The following DENND6B variants were observed in gnomAD, a reference collection of about 807,000 sequenced individuals.
DENND6B encodes DENN domain containing 6B.
A neutral mutation model predicts 85.1 loss-of-function variants in DENND6B; 73 were observed. The ratio of observed to expected loss-of-function variants is 0.86; its 90% CI spans 0.71 to 1.04. DENND6B has a LOEUF of 1.04. Among genes scored for constraint, DENND6B ranks in the 50% least tolerant of loss-of-function variants. The probability of loss-of-function intolerance (pLI) is 0.00; values close to 1 mark genes in which losing one functional copy is unlikely to be tolerated. For synonymous variants in DENND6B, 357 were observed against 329.3 expected (o/e 1.08, Z -0.91); for missense variants, 715 against 785.8 (o/e 0.91, Z 1.08).
rs780005592 is a variant in DENND6B at position 50,312,412 on chromosome 22, G to A, written c.1566C>T (p.Ile522=). The change falls in exon 19 of 20, where the codon ATC becomes ATT. Residue 522 remains isoleucine (I), a synonymous_variant. Transcript: ENST00000413817. ...CGGACTTGTCTTTCATCCAGGTCTCGATGTTCTGCAGGGCAAGACGGGGTC... is the reference window on the plus strand; with the variant it reads ...CGGACTTGTCTTTCATCCAGGTCTCAATGTTCTGCAGGGCAAGACGGGGTC... The part of the protein sequence containing the change: ...LHLEAICEAN[I]ETWMKDKSEV... The A allele has an allele frequency of 1.4e-5, 23 of 1,610,634 alleles. No homozygotes were observed. The highest frequency in any genetic ancestry group is 1.2e-4 in the South Asian group (11 of 90,570).
rs1435910519 is a variant in DENND6B, at chr22:50,314,217, G to A, written c.1128C>T (p.Asp376=). ...GAGGGGAGCACAGACCTGGCTTGGT[G>A]TCCAGGGTCTTCAACCTTGAAGGCT... is the stretch of plus-strand genomic sequence containing the variant. ...LKKPSRLKTL[D]TKPGLYTAYT... The change falls in exon 13 of 20, where the codon GAC becomes GAT. Residue 376 remains aspartate (D), a synonymous_variant. Transcript: ENST00000413817. 2 of 1,606,248 alleles carry A rather than the reference G, an allele frequency of 1.2e-6. No individual in the cohort carries two copies. Among genetic ancestry groups the A allele is most frequent in the African/African-American group, 1.3e-5 (1 of 74,922 alleles).
At chr22:50,322,078 ATT>A (rs71198240) in intron 1 of DENND6B, among the ~76,000 whole-genome samples, 3 of 143,014 alleles carry the variant, frequency 2.1e-5, no homozygotes, top group Admixed American at 7.0e-5. Flanking sequence ...GTCCTCAATA[ATT>A]TTTTTTTTTT....
chr22:50,313,835 C>CGCCTTGTCGCGGTGGAGGTGG lies in DENND6B; in HGVS notation c.1161_1181dup (p.His388_Ala394dup). 6.2e-7 allele frequency: 1 copy of CGCCTTGTCGCGGTGGAGGTGG among 1,612,060 alleles called. No individual in the cohort carries two copies. Among genetic ancestry groups the CGCCTTGTCGCGGTGGAGGTGG allele is most frequent in the Non-Finnish European group, 8.5e-7 (1 of 1,179,672 alleles). On this transcript the variant is annotated inframe_insertion, in exon 14 of 20. Coordinates refer to ENST00000413817, the MANE Select transcript of DENND6B (RefSeq NM_001001794.4). ...ATACCTTGAGCAGCCGTTTGAGCAG[C>CGCCTTGTCGCGGTGGAGGTGG]GCCTTGTCGCGGTGGAGGTGGGCCG...
intron 1 of DENND6B, among the ~76,000 whole-genome samples, chr22:50,322,198 C>T (rs1291995746): frequency 6.6e-6 from 1 of 151,898 alleles, no homozygotes; most frequent in Non-Finnish European, 1.5e-5. Context: ...CCTCAGCCTC[C>T]TGAGTAGCTG....
At chr22:50,325,741 T>C (rs1263873239) in intron 1 of DENND6B, among the ~76,000 whole-genome samples, 1 of 152,176 alleles carries the variant, frequency 6.6e-6, no homozygotes, top group Non-Finnish European at 1.5e-5. Flanking sequence ...TTCTTGGTAC[T>C]CAGCCCCCAC....
chr22:50,313,205 C>T lies in DENND6B; in HGVS notation c.1348-97G>A. 7 of 1,278,096 alleles carry T rather than the reference C, an allele frequency of 5.5e-6. No homozygotes were observed. The South Asian group carries it at 9.8e-5, about 18-fold the overall frequency. 79.2% of individuals were successfully genotyped at this position (1,278,096 alleles called of 1,614,324 possible). On this transcript the variant is annotated intron_variant, in intron 16 of 19. Coordinates refer to ENST00000413817, the MANE Select transcript of DENND6B (RefSeq NM_001001794.4). ...CACACTCCTCACCACTTCTGAAGAC[C>T]CCCAGCCCCCACCCTGCCTGGCACA...
chr22:50,314,304 T>A, intron 12 of DENND6B, 32 bp from the exon 13 acceptor site: 3 of 1,603,778 alleles, frequency 1.9e-6, no homozygotes, highest in Non-Finnish European at 2.6e-6. Flanking sequence ...CAGGCCTCAG[T>A]GCCCGCAGCT....
At chr22:50,320,815 G>A (rs1048031863) in intron 1 of DENND6B, among the ~76,000 whole-genome samples, 8 of 152,222 alleles carry the variant, frequency 5.3e-5, no homozygotes, top group Admixed American at 1.3e-4. Context: ...AGTCACAGGA[G>A]CCTGTGGCCT....
intron 1 of DENND6B, among the ~76,000 whole-genome samples, chr22:50,324,417 A>G (rs934610774): frequency 6.6e-6 from 1 of 152,106 alleles, no homozygotes; most frequent in Admixed American, 6.6e-5. Context: ...ATAGCTGCTC[A>G]ATGTGATCTA....
chr22:50,326,610 G>A (rs150376442), intron 1 of DENND6B, among the ~76,000 whole-genome samples: 26 of 152,372 alleles, frequency 1.7e-4, no homozygotes, highest in African/African-American at 6.3e-4. Context: ...CCAATGTGAA[G>A]ACAAGATCCG....
At chr22:50,318,113 C>A in intron 3 of DENND6B, 93 bp from the exon 4 acceptor site, 2 of 1,290,362 alleles carry the variant, frequency 1.5e-6, no homozygotes, top group South Asian at 1.3e-5. Context: ...GCCCTGCGAG[C>A]CTGGCCTCTG....
chr22:50,311,998 T>C lies in DENND6B; in HGVS notation c.*141A>G. 1.5e-6 allele frequency: 2 copies of C among 1,345,962 alleles called. No homozygotes were observed. Among genetic ancestry groups the C allele is most frequent in the Non-Finnish European group, 2.0e-6 (2 of 1,007,818 alleles). 83.4% of individuals were successfully genotyped at this position (1,345,962 alleles called of 1,614,324 possible). On this transcript the variant is annotated 3_prime_UTR_variant, in exon 20 of 20. Transcript: ENST00000413817. ...AATGTCGCCTTTACTGCTGAGACAA[T>C]GGTGGTGCAGGAAGGGGAGCCTGCA...
Position 50,313,896 on chromosome 22 carries a change from C to A in DENND6B, c.1139-18G>T. On this transcript the variant is annotated intron_variant, in intron 13 of 19. Coordinates refer to ENST00000413817, the MANE Select transcript of DENND6B (RefSeq NM_001001794.4). ...GTAGAGGCCTGGCGGGAGGGCACAG[C>A]TGGCGCCCCACCCTTCAAGGGCCTC... is the stretch of plus-strand genomic sequence containing the variant. 1 of 1,600,752 alleles carries A rather than the reference C, an allele frequency of 6.2e-7. No homozygotes were observed.
rs2041877603 is a variant in DENND6B at position 50,317,173 on chromosome 22, G to A, written c.453+120C>T. On this transcript the variant is annotated intron_variant, in intron 5 of 19. Coordinates refer to ENST00000413817, the MANE Select transcript of DENND6B (RefSeq NM_001001794.4). ...GAGAGCTGGACACAGCCCAGGTGGG[G>A]CTGCAGGAGGGGTGGGCACTGCTGG... 8 of 1,048,410 alleles carry A rather than the reference G, an allele frequency of 7.6e-6. No individual in the cohort carries two copies. The Admixed American group carries it at 1.6e-4, about 21-fold the overall frequency. The allele number at this position is 1,048,410 out of a possible 1,614,324, so 64.9% of individuals were successfully genotyped here.
Position 50,313,719 on chromosome 22 carries a change from C to T in DENND6B, c.1209G>A (p.Val403=), listed in dbSNP as rs2068130779. ...GCACATCTGACGGCCGCTTCTTCTG[C>T]ACGCCCTGCAGGGGAGAGAGGGCCA... ...KALLKRLLKG[V]QKKRPSDVQS... Residue 403 remains valine (V), a synonymous_variant, in exon 15 of 20, where the codon GTG becomes GTA. Coordinates refer to ENST00000413817, the MANE Select transcript of DENND6B (RefSeq NM_001001794.4). The T allele has an allele frequency of 1.2e-6, 2 of 1,603,038 alleles. No homozygotes were observed. Among genetic ancestry groups the T allele is most frequent in the Non-Finnish European group, 1.7e-6 (2 of 1,176,400 alleles).
In DENND6B at chr22:50,313,654, T is replaced by C. The variant is rs576503959; in HGVS notation, c.1274A>G (p.Gln425Arg). 1.2e-4 allele frequency: 198 copies of C among 1,591,286 alleles called. 1 individual carries two copies. In the South Asian group the frequency reaches 2.2e-3, roughly 18 times the overall value. The part of the protein sequence containing the change: ...LLRRHLLELT[Q>R]SFIIPLEHYM... Reference sequence around the variant, plus strand: ...CCTCACCAGGGGGATGATGAAGCTCTGGGTGAGCTCCAGGAGGTGCCGCCG... The same window carrying C: ...CCTCACCAGGGGGATGATGAAGCTCCGGGTGAGCTCCAGGAGGTGCCGCCG... The change falls in exon 15 of 20, where the codon CAG becomes CGG. Residue 425 changes from glutamine (Q) to arginine (R), a missense_variant. Coordinates refer to ENST00000413817, the MANE Select transcript of DENND6B (RefSeq NM_001001794.4).
rs1338749410 is a variant in DENND6B, at chr22:50,327,009, G to C, written c.-21C>G. On this transcript the variant is annotated 5_prime_UTR_variant, in exon 1 of 20. Transcript: ENST00000413817. ...TCCATGGCGGCGGCCGCGGGTTGCC[G>C]GGGAAACGCGGGCGGGGGCGGCGCG... 8.6e-7 allele frequency: 1 copy of C among 1,164,436 alleles called. No individual in the cohort carries two copies. The highest frequency in any genetic ancestry group is 4.7e-5 in the Admixed American group (1 of 21,216). 72.1% of individuals were successfully genotyped at this position (1,164,436 alleles called of 1,614,324 possible). A position where few individuals can be genotyped will look rare whatever the true frequency, so the allele number is the denominator to read the frequency against.
rs746723758 is a variant in DENND6B, at chr22:50,314,852, T to C, written c.828A>G (p.Leu276=). 13 of 1,611,562 alleles carry C rather than the reference T, an allele frequency of 8.1e-6. No homozygotes were observed. The highest frequency in any genetic ancestry group is 5.9e-6 in the Non-Finnish European group (7 of 1,179,452). The change falls in exon 10 of 20, where the codon CTA becomes CTG. Residue 276 remains leucine (L), a synonymous_variant. Transcript: ENST00000413817. ...WELMLLGEPL[L]VLAPSPDVSS... ...ACACGTCGGGCGAGGGTGCCAGGAC[T>C]AGCAGGGGCTCCCCGAGGAGCATGA...
chr22:50,319,061 C>T (rs374681308), intron 1 of DENND6B, 58 bp from the exon 2 acceptor site: 12 of 1,555,316 alleles, frequency 7.7e-6, no homozygotes, highest in Admixed American at 3.9e-5. Flanking sequence ...CGACACCCCT[C>T]GACAGCATCT....
Sources: gnomAD v4.1 joint callset for allele counts (sites outside exome capture counted in the v4.1 genomes callset) on GRCh38, gnomAD v4.1.1 for gene constraint, MANE v1.5 for transcripts, NCBI Gene and HGNC (gene_info 2026-07-23, HGNC 2026-07-21) for gene names.